The following DENND1B variants were observed in gnomAD, a reference collection of about 807,000 sequenced individuals.
DENND1B encodes DENN domain containing 1B.
DENND1B carries 59 observed loss-of-function variants against 90.1 expected under a neutral mutation model. That is an observed-to-expected ratio of 0.65 (90% CI 0.53 to 0.81). The LOEUF (loss-of-function observed/expected upper bound fraction) is 0.81, where lower values mean the gene tolerates loss of function less well. DENND1B is among the 40% of genes least tolerant of loss of function. DENND1B has a pLI of 0.00. For synonymous variants in DENND1B, 337 were observed against 324.6 expected (o/e 1.04, Z -0.41); for missense variants, 862 against 912.6 (o/e 0.94, Z 0.71).
rs1236996843 is a variant in DENND1B at position 197,515,552 on chromosome 1, A to G, written c.1516-2599T>C. Among the ~76,000 whole-genome samples, 11 of 151,782 alleles carry G rather than the reference A, an allele frequency of 7.2e-5. No homozygotes were observed. In the East Asian group the frequency reaches 2.1e-3, roughly 29 times the overall value. Reference sequence around the variant, plus strand: ...CCTGCATTTAAGTTTTTGTTTACAAATGAAACAAACTGAAACAAAGTCTAT... The same window carrying G: ...CCTGCATTTAAGTTTTTGTTTACAAGTGAAACAAACTGAAACAAAGTCTAT... On this transcript the variant is annotated intron_variant, in intron 20 of 22. Transcript: ENST00000620048.
At chr1:197,575,980 A>C (rs1673645747) in intron 15 of DENND1B, among the ~76,000 whole-genome samples, 1 of 152,196 alleles carries the variant, frequency 6.6e-6, no homozygotes, top group Non-Finnish European at 1.5e-5. Context: ...TACCTAATGT[A>C]AATAATGAGT....
intron 20 of DENND1B, 127 bp downstream of exon 20, chr1:197,539,837 C>T: frequency 1.4e-6 from 1 of 727,734 alleles, no homozygotes; most frequent in Non-Finnish European, 2.3e-6. Context: ...TAACTCCTCC[C>T]CTTGACCAAT....
chr1:197,580,614 T>C (rs1674148557), intron 15 of DENND1B, among the ~76,000 whole-genome samples: 1 of 152,128 alleles, frequency 6.6e-6, no homozygotes, highest in Non-Finnish European at 1.5e-5. Context: ...TCAGAAAATA[T>C]TAATTCAGGC....
chr1:197,705,442 T>C (rs558686931), intron 3 of DENND1B, among the ~76,000 whole-genome samples: 1 of 152,072 alleles, frequency 6.6e-6, no homozygotes, highest in Non-Finnish European at 1.5e-5. Context: ...GTTAAGCGCT[T>C]CTGTATTTCA....
At chr1:197,741,940 C>A (rs537735829) in intron 2 of DENND1B, among the ~76,000 whole-genome samples, 80 of 152,068 alleles carry the variant, frequency 5.3e-4, no homozygotes, top group African/African-American at 1.7e-3. Flanking sequence ...TTAATTTGCT[C>A]AATAAAATGA....
intron 13 of DENND1B, among the ~76,000 whole-genome samples, chr1:197,596,546 GAA>G (rs1412471445): frequency 1.3e-5 from 2 of 151,840 alleles, no homozygotes; most frequent in Non-Finnish European, 2.9e-5. Flanking sequence ...TTACCCTTAT[GAA>G]ACTATCATAT....
At chr1:197,602,159 A>C (rs538624419) in intron 13 of DENND1B, among the ~76,000 whole-genome samples, 14 of 151,774 alleles carry the variant, frequency 9.2e-5, no homozygotes, top group Middle Eastern at 3.4e-3. Context: ...ATTAAAGTCA[A>C]ATGGAAATAT....
At position 197,511,797 on chromosome 1, in the gene DENND1B, CT is replaced by C. The variant is rs1558187492; in HGVS notation, c.1745del (p.Gln582ArgfsTer75). On this transcript the variant is annotated frameshift_variant, in exon 22 of 23. Coordinates refer to ENST00000620048, the MANE Select transcript of DENND1B (RefSeq NM_001195215.2). LOFTEE classifies it high-confidence loss of function. ...LDTLSTHSSD[Q>X]GKLAAAKSLD... ...AGCTCTTTGCAGCTGCCAGCTTCCC[CT>C]GATCTGAGCTGTGTGTGCTCAATGT... The C allele has an allele frequency of 1.9e-6, 3 of 1,610,530 alleles. No homozygotes were observed.
chr1:197,526,973 C>A (rs1669179494), intron 20 of DENND1B, among the ~76,000 whole-genome samples: 1 of 152,094 alleles, frequency 6.6e-6, no homozygotes, highest in Non-Finnish European at 1.5e-5. Flanking sequence ...AGAGGGCACC[C>A]TTGTAATCCA....
intron 20 of DENND1B, among the ~76,000 whole-genome samples, chr1:197,536,760 G>C (rs4026513): frequency 0.38 from 58,232 of 152,054 alleles, 13,712 homozygotes; most frequent in East Asian, 0.66. Context: ...ATACAACACA[G>C]ACCAGGCTCG....
At chr1:197,543,537 T>A (rs1670499575) in intron 18 of DENND1B, among the ~76,000 whole-genome samples, 1 of 152,132 alleles carries the variant, frequency 6.6e-6, no homozygotes, top group African/African-American at 2.4e-5. Context: ...GAAACAAGGA[T>A]CAACATTACT....
At chr1:197,675,195 A>G (rs1655929291) in intron 3 of DENND1B, among the ~76,000 whole-genome samples, 1 of 152,122 alleles carries the variant, frequency 6.6e-6, no homozygotes, top group South Asian at 2.1e-4. Flanking sequence ...TCACTGAACA[A>G]TATTTTTGCT....
At chr1:197,754,092 T>C (rs1653941025) in intron 2 of DENND1B, among the ~76,000 whole-genome samples, 1 of 151,914 alleles carries the variant, frequency 6.6e-6, no homozygotes, top group Non-Finnish European at 1.5e-5. Flanking sequence ...CTGTAAATTA[T>C]TTTAATAATA....
chr1:197,551,252 AAC>A (rs1671220704), intron 16 of DENND1B, among the ~76,000 whole-genome samples: 1 of 152,174 alleles, frequency 6.6e-6, no homozygotes, highest in Non-Finnish European at 1.5e-5. Context: ...AAAATAACAT[AAC>A]ACAGAATAAT....
At chr1:197,694,239 A>G (rs1391909166) in intron 3 of DENND1B, among the ~76,000 whole-genome samples, 1 of 151,426 alleles carries the variant, frequency 6.6e-6, no homozygotes, top group Non-Finnish European at 1.5e-5. Flanking sequence ...AAATTCCCCT[A>G]AAAGTCATTT....
intron 3 of DENND1B, among the ~76,000 whole-genome samples, chr1:197,705,648 TAAA>T (rs35856931): frequency 5.0e-5 from 7 of 140,862 alleles, no homozygotes; most frequent in Non-Finnish European, 7.7e-5. Flanking sequence ...GGTAGAAATT[TAAA>T]AAAAAAAAAA....
At chr1:197,739,608 C>T (rs1194046543) in intron 2 of DENND1B, among the ~76,000 whole-genome samples, 1 of 152,056 alleles carries the variant, frequency 6.6e-6, no homozygotes, top group African/African-American at 2.4e-5. Context: ...AACTGATAAA[C>T]TGATCAAAAG....
intron 3 of DENND1B, among the ~76,000 whole-genome samples, chr1:197,674,667 TAA>T (rs35033905): frequency 3.0e-3 from 428 of 144,572 alleles, no homozygotes; most frequent in East Asian, 5.0e-3. Flanking sequence ...GTCAAACAGT[TAA>T]AAAAAAAAAA....
At chr1:197,527,119 A>G (rs1446568454) in intron 20 of DENND1B, among the ~76,000 whole-genome samples, 1 of 152,168 alleles carries the variant, frequency 6.6e-6, no homozygotes, top group South Asian at 2.1e-4. Flanking sequence ...TTTCAAAGTG[A>G]ACTCAAAAGA....
Sources: allele counts gnomAD v4.1 joint callset (sites outside exome capture counted in the v4.1 genomes callset), GRCh38; gene constraint gnomAD v4.1.1; transcripts MANE v1.5; gene names NCBI Gene and HGNC (gene_info 2026-07-23, HGNC 2026-07-21).